The following AP1G1 variants were observed in gnomAD, a reference collection of about 807,000 sequenced individuals.
The protein encoded by AP1G1 is AP-1 complex subunit gamma-1.
AP1G1 carries 7 observed loss-of-function variants against 108.3 expected under a neutral mutation model. That is an observed-to-expected ratio of 0.06 (90% confidence interval 0.04 to 0.12). The LOEUF (loss-of-function observed/expected upper bound fraction) is 0.12, where lower values mean the gene tolerates loss of function less well. Among genes scored for constraint, AP1G1 ranks in the 10% least tolerant of loss-of-function variants. The pLI is 1.00. For synonymous variants in AP1G1, 379 were observed against 353.5 expected, an observed-to-expected ratio of 1.07 and a Z score of -0.81; for missense variants, 756 against 1,010.7, an observed-to-expected ratio of 0.75 and a Z score of 3.42.
intron 2 of AP1G1, 78 bp downstream of exon 2, chr16:71,789,201 C>A: frequency 1.5e-5 from 20 of 1,363,058 alleles, no homozygotes; most frequent in Non-Finnish European, 1.9e-5. Flanking sequence ...AGTACCTCCC[C>A]ACCAGAAAAA....
chr16:71,782,898 A>G (rs1250739286), intron 2 of AP1G1, among the ~76,000 whole-genome samples: 1 of 152,096 alleles, frequency 6.6e-6, no homozygotes, highest in Non-Finnish European at 1.5e-5. Context: ...GCTTTCTGGC[A>G]TAGTAACATC....
rs1279621826 is a variant in AP1G1 at position 71,808,111 on chromosome 16, C to G, written c.-4+652G>C. On this transcript the variant is annotated intron_variant, in intron 1 of 22. Transcript: ENST00000299980. ...GACTCTTTCAGGCAATCAGGAAGAC[C>G]GGGAGAATTATTAGACGCTGACGTC... is the stretch of plus-strand genomic sequence containing the variant. The G allele has an allele frequency of 5.2e-6, 6 of 1,147,082 alleles. No individual in the cohort carries two copies. The East Asian group carries it at 3.9e-4, about 74-fold the overall frequency. 71.1% of individuals were successfully genotyped at this position (1,147,082 alleles called of 1,614,324 possible).
At chr16:71,780,002 T>G (rs1443988341) in intron 2 of AP1G1, among the ~76,000 whole-genome samples, 4 of 150,422 alleles carry the variant, frequency 2.7e-5, no homozygotes, top group South Asian at 4.2e-4. Flanking sequence ...TTTGTTTTTT[T>G]TTTTTTTTTG....
chr16:71,761,475 A>T (rs2031081706), intron 10 of AP1G1, 37 bp downstream of exon 10: 1 of 1,382,422 alleles, frequency 7.2e-7, no homozygotes, highest in Non-Finnish European at 1.0e-6. Context: ...CTGGGCTTAT[A>T]ATATCCAAGA....
At chr16:71,755,974 A>G in intron 12 of AP1G1, 45 bp downstream of exon 12, 1 of 1,580,462 alleles carries the variant, frequency 6.3e-7, no homozygotes, top group Non-Finnish European at 8.6e-7. Flanking sequence ...CACTTCCAAA[A>G]GTTCCAAGCA....
intron 2 of AP1G1, among the ~76,000 whole-genome samples, chr16:71,785,737 C>T (rs1018528852): frequency 6.6e-6 from 1 of 151,908 alleles, no homozygotes; most frequent in Non-Finnish European, 1.5e-5. Context: ...AAAAAATTAG[C>T]CAGGCATGGT....
At chr16:71,760,053 G>A (rs1028133896) in intron 10 of AP1G1, among the ~76,000 whole-genome samples, 17 of 152,012 alleles carry the variant, frequency 1.1e-4, no homozygotes, top group African/African-American at 4.1e-4. Flanking sequence ...TTTTTTAATA[G>A]AGATGGGGTC....
At chr16:71,770,390 G>C (rs974562595) in intron 5 of AP1G1, among the ~76,000 whole-genome samples, 1 of 152,190 alleles carries the variant, frequency 6.6e-6, no homozygotes, top group Non-Finnish European at 1.5e-5. Context: ...TTTGAGAAAA[G>C]AACAGTCACA....
At chr16:71,738,328 G>T (rs1339895043) in intron 21 of AP1G1, among the ~76,000 whole-genome samples, 2 of 151,878 alleles carry the variant, frequency 1.3e-5, no homozygotes, top group Non-Finnish European at 2.9e-5. Flanking sequence ...CAAAGTACTG[G>T]GATTACAGCC....
intron 14 of AP1G1, 97 bp downstream of exon 14, chr16:71,750,113 C>G (rs2030406169): frequency 6.6e-7 from 1 of 1,508,904 alleles, no homozygotes; most frequent in African/African-American, 1.4e-5. Context: ...AAAGACATAC[C>G]AAAGGGGAGA....
intron 15 of AP1G1, among the ~76,000 whole-genome samples, chr16:71,749,561 C>T (rs1305979555): frequency 1.3e-5 from 2 of 151,476 alleles, no homozygotes; most frequent in South Asian, 2.1e-4. Flanking sequence ...ATATAATTCG[C>T]GTTTGCTTCT....
chr16:71,731,327 CCA>C lies in AP1G1; in HGVS notation c.*1729_*1730del. The C allele has an allele frequency of 6.5e-6, 1 of 152,700 alleles. No individual in the cohort carries two copies. Among genetic ancestry groups the C allele is most frequent in the East Asian group, 1.9e-4 (1 of 5,182 alleles). The allele number at this position is 152,700 out of a possible 1,614,324, so 9.5% of individuals were successfully genotyped here. On this transcript the variant is annotated 3_prime_UTR_variant, in exon 23 of 23. Transcript: ENST00000299980. ...TTCCCGTGGAGCCTTTAGTTCAACTCCAGTTTGTCAAATGTTAGGAATATTCC... is the reference window on the plus strand; with the variant it reads ...TTCCCGTGGAGCCTTTAGTTCAACTCGTTTGTCAAATGTTAGGAATATTCC...
At chr16:71,775,018 G>GCCAAATTAC (rs2031725471) in intron 2 of AP1G1, among the ~76,000 whole-genome samples, 1 of 113,746 alleles carries the variant, frequency 8.8e-6, no homozygotes, top group Non-Finnish European at 1.8e-5. Context: ...ACCGCGCCTG[G>GCCAAATTAC]CTTTTTTTTT....
intron 22 of AP1G1, 124 bp from the exon 23 acceptor site, chr16:71,733,283 G>A: frequency 1.4e-6 from 1 of 737,146 alleles, no homozygotes; most frequent in East Asian, 2.7e-5. Context: ...TGTTAAGAAT[G>A]ACAGGTAAAC....
chr16:71,754,457 T>A (rs1478481772), intron 12 of AP1G1, among the ~76,000 whole-genome samples: 4 of 152,178 alleles, frequency 2.6e-5, no homozygotes, highest in African/African-American at 9.6e-5. Flanking sequence ...TGGAAACATT[T>A]CAACTTCAAA....
intron 9 of AP1G1, among the ~76,000 whole-genome samples, chr16:71,762,698 T>C (rs2031144719): frequency 6.6e-6 from 1 of 152,236 alleles, no homozygotes; most frequent in Admixed American, 6.5e-5. Flanking sequence ...CCTTCCCACA[T>C]GCCTTGCCCT....
At chr16:71,793,896 T>C (rs7359455) in intron 1 of AP1G1, among the ~76,000 whole-genome samples, 22,675 of 152,138 alleles carry the variant, frequency 0.15, 1,938 homozygotes, top group South Asian at 0.38. Context: ...TTTTGTATTT[T>C]TTTTAGAGAT....
chr16:71,784,774 G>C (rs560061656), intron 2 of AP1G1, among the ~76,000 whole-genome samples: 28 of 151,666 alleles, frequency 1.8e-4, no homozygotes, highest in South Asian at 6.3e-4. Context: ...GGCCAGGATG[G>C]TCTCAAACTC....
chr16:71,743,806 C>T (rs992833022), intron 19 of AP1G1, among the ~76,000 whole-genome samples: 5 of 151,138 alleles, frequency 3.3e-5, no homozygotes, highest in African/African-American at 9.7e-5. Flanking sequence ...ATTAGCCAGG[C>T]GCAGTAGCAG....
Sources: allele counts gnomAD v4.1 joint callset (sites outside exome capture counted in the v4.1 genomes callset), GRCh38; gene constraint gnomAD v4.1.1; transcripts MANE v1.5; gene names NCBI Gene and HGNC (gene_info 2026-07-23, HGNC 2026-07-21).